The following ARHGEF3 variants were observed in gnomAD, a reference collection of about 807,000 sequenced individuals.
ARHGEF3 encodes Rho guanine nucleotide exchange factor 3.
In ARHGEF3, 28 loss-of-function variants were observed where a neutral mutation model predicts 63.2. The ratio of observed to expected loss-of-function variants is 0.44; its 90% confidence interval spans 0.33 to 0.61. The LOEUF is 0.61. ARHGEF3 is among the 20% of genes least tolerant of loss of function. The probability of loss-of-function intolerance (pLI) is 0.03; values close to 1 mark genes in which losing one functional copy is unlikely to be tolerated. For synonymous variants in ARHGEF3, 266 were observed against 254.2 expected, an observed-to-expected ratio of 1.05 and a Z score of -0.44; for missense variants, 533 against 659.3, an observed-to-expected ratio of 0.81 and a Z score of 2.10.
intron 3 of ARHGEF3, among the ~76,000 whole-genome samples, chr3:56,928,763 G>T (rs1157235036): frequency 2.6e-5 from 4 of 152,120 alleles, no homozygotes; most frequent in Non-Finnish European, 5.9e-5. Context: ...AAACAGCCAG[G>T]GTTGAGTGGG....
intron 6 of ARHGEF3, among the ~76,000 whole-genome samples, chr3:56,749,858 T>A (rs903909585): frequency 6.6e-6 from 1 of 151,020 alleles, no homozygotes; most frequent in African/African-American, 2.5e-5. Context: ...TCAAGTATCT[T>A]GATCAAGGCA....
At chr3:56,803,893 T>G (rs956480722), upstream of ARHGEF3, among the ~76,000 whole-genome samples, 1 of 151,808 alleles carries the variant, frequency 6.6e-6, no homozygotes, top group Non-Finnish European at 1.5e-5. Flanking sequence ...TCTTTCTTTT[T>G]TTTTTTTTTG....
At chr3:56,932,995 T>C (rs1043267969) in intron 3 of ARHGEF3, among the ~76,000 whole-genome samples, 1 of 152,224 alleles carries the variant, frequency 6.6e-6, no homozygotes, top group Non-Finnish European at 1.5e-5. Flanking sequence ...CATATTCTCA[T>C]TGGGCAACTA....
At chr3:56,976,612 TAACA>T (rs1701135616) in intron 2 of ARHGEF3, among the ~76,000 whole-genome samples, 1 of 152,232 alleles carries the variant, frequency 6.6e-6, no homozygotes, top group African/African-American at 2.4e-5. Context: ...CTGTTGATCC[TAACA>T]GTTTAAAATG....
At chr3:56,869,675 C>T (rs2040370279) in intron 4 of ARHGEF3, among the ~76,000 whole-genome samples, 1 of 152,128 alleles carries the variant, frequency 6.6e-6, no homozygotes, top group African/African-American at 2.4e-5. Context: ...ATAACCAGAT[C>T]AAAGATGAGG....
intron 3 of ARHGEF3, among the ~76,000 whole-genome samples, chr3:56,950,850 T>G (rs1293262261): frequency 6.6e-6 from 1 of 151,998 alleles, no homozygotes; most frequent in African/African-American, 2.4e-5. Context: ...TGCAGCACTA[T>G]TCACAATAGC....
chr3:57,016,768 C>T (rs542060836), intron 2 of ARHGEF3, among the ~76,000 whole-genome samples: 1 of 152,032 alleles, frequency 6.6e-6, no homozygotes, highest in South Asian at 2.1e-4. Flanking sequence ...TGCTCTTGGT[C>T]CCCCCCAGGT....
intron 3 of ARHGEF3, among the ~76,000 whole-genome samples, chr3:56,907,647 GA>G (rs1343590935): frequency 1.3e-5 from 2 of 152,088 alleles, no homozygotes; most frequent in Non-Finnish European, 2.9e-5. Context: ...ACTAAATAAA[GA>G]AAAAGTTGTA....
intron 2 of ARHGEF3, among the ~76,000 whole-genome samples, chr3:56,771,235 T>C (rs900047248): frequency 1.3e-5 from 2 of 152,202 alleles, no homozygotes; most frequent in Admixed American, 6.5e-5. Flanking sequence ...TCTGCTGGAT[T>C]TCAGACATGG....
chr3:56,974,390 A>C (rs913806280), intron 2 of ARHGEF3, among the ~76,000 whole-genome samples: 2 of 152,174 alleles, frequency 1.3e-5, no homozygotes, highest in African/African-American at 4.8e-5. Flanking sequence ...TACACACACA[A>C]AAAAAGTGTT....
chr3:56,855,940 A>C (rs2039862503), intron 4 of ARHGEF3, among the ~76,000 whole-genome samples: 2 of 152,246 alleles, frequency 1.3e-5, no homozygotes, highest in Non-Finnish European at 2.9e-5. Flanking sequence ...CCCAGAAAAG[A>C]CAAGTGTCAT....
At chr3:56,929,576 A>C (rs1341598973) in intron 3 of ARHGEF3, among the ~76,000 whole-genome samples, 1 of 152,114 alleles carries the variant, frequency 6.6e-6, no homozygotes, top group Non-Finnish European at 1.5e-5. Flanking sequence ...TGTTGCCACT[A>C]ATGTCCCATG....
chr3:56,972,292 G>A (rs1267600922), intron 2 of ARHGEF3, among the ~76,000 whole-genome samples: 1 of 152,068 alleles, frequency 6.6e-6, no homozygotes, highest in Non-Finnish European at 1.5e-5. Flanking sequence ...GATATGATAA[G>A]ACTTAGACCT....
At chr3:56,977,138 A>G in intron 2 of ARHGEF3, 1 of 418,754 alleles carries the variant, frequency 2.4e-6, no homozygotes. Flanking sequence ...CTAAAGGGTA[A>G]GGCCAGACAG....
At chr3:57,069,515 C>T (rs1012453316) in intron 1 of ARHGEF3, among the ~76,000 whole-genome samples, 4 of 152,020 alleles carry the variant, frequency 2.6e-5, no homozygotes, top group African/African-American at 9.7e-5. Context: ...GTTTAGAAAA[C>T]AAGGTTCCAA....
At chr3:56,798,540 T>C (rs1457866944) in intron 1 of ARHGEF3, among the ~76,000 whole-genome samples, 2 of 12,384 alleles carry the variant, frequency 1.6e-4, no homozygotes, top group Non-Finnish European at 4.4e-4. Flanking sequence ...TTACTTCGTT[T>C]TTTTTTTTTT....
At chr3:56,800,853 G>A (rs529328424) in intron 1 of ARHGEF3, among the ~76,000 whole-genome samples, 125 of 152,198 alleles carry the variant, frequency 8.2e-4, no homozygotes, top group African/African-American at 2.7e-3. Flanking sequence ...GTAATCTAGC[G>A]AAAGCGACTG....
At chr3:56,734,595 C>A (rs961625236) in intron 8 of ARHGEF3, among the ~76,000 whole-genome samples, 1 of 152,158 alleles carries the variant, frequency 6.6e-6, no homozygotes, top group Non-Finnish European at 1.5e-5. Context: ...AAAATGGGAA[C>A]TGAATTAAAA....
chr3:57,033,813 G>A (rs1703835327), intron 2 of ARHGEF3, among the ~76,000 whole-genome samples: 1 of 152,092 alleles, frequency 6.6e-6, no homozygotes, highest in South Asian at 2.1e-4. Flanking sequence ...GGGAGGCTGA[G>A]GTAGGTAGAT....
Sources: allele counts gnomAD v4.1 joint callset (sites outside exome capture counted in the v4.1 genomes callset), GRCh38; gene constraint gnomAD v4.1.1; transcripts MANE v1.5; gene names NCBI Gene and HGNC (gene_info 2026-07-23, HGNC 2026-07-21).